SOBP: variants seen among roughly 807,000 people sequenced by gnomAD.
SOBP encodes sine oculis binding protein homolog, also known as sine oculis-binding protein homolog.
SOBP carries 4 observed loss-of-function variants against 53.6 expected under a neutral mutation model. The ratio of observed to expected loss-of-function variants is 0.07; its 90% CI spans 0.04 to 0.17. The LOEUF (loss-of-function observed/expected upper bound fraction) is 0.17. SOBP is among the 10% of genes least tolerant of loss of function. The pLI is 1.00. For missense variants in SOBP, 1,088 were observed against 1,204.7 expected (o/e 0.90, Z 1.43); for synonymous variants, 584 against 522.6 (o/e 1.12, Z -1.60).
intron 4 of SOBP, among the ~76,000 whole-genome samples, chr6:107,560,400 C>G (rs1350016862): frequency 6.6e-6 from 1 of 152,102 alleles, no homozygotes; most frequent in East Asian, 1.9e-4. Flanking sequence ...CCACCTGCTC[C>G]CTTTCCAGGG....
chr6:107,613,465 G>A (rs1398739604), intron 5 of SOBP, among the ~76,000 whole-genome samples: 1 of 152,146 alleles, frequency 6.6e-6, no homozygotes, highest in Non-Finnish European at 1.5e-5. Flanking sequence ...GATGTTTTAT[G>A]TTACTCCATG....
intron 4 of SOBP, among the ~76,000 whole-genome samples, chr6:107,561,236 A>G (rs1784762397): frequency 6.6e-6 from 1 of 152,146 alleles, no homozygotes; most frequent in Non-Finnish European, 1.5e-5. Flanking sequence ...ACTGGAAAAC[A>G]TTACAGAAGG....
rs199736286 is a variant in SOBP at position 107,656,303 on chromosome 6, G to C, written c.*4-1904G>C. The stretch of plus-strand genomic sequence containing the variant: ...GAAAGAAAGAAAAGAAAGAAAGAAA[G>C]AAAGAAAGAAAGAAAGAAAGAAAGA... On this transcript the variant is annotated intron_variant, in intron 6 of 6. Transcript: ENST00000317357. 8.7e-4 allele frequency among the ~76,000 whole-genome samples: 11 copies of C among 12,622 alleles called. 1 individual carries two copies. The East Asian group carries it at 0.067, about 77-fold the overall frequency. 8.3% of individuals were successfully genotyped at this position (12,622 alleles called of 152,430 possible).
At chr6:107,581,026 C>T (rs370033152) in intron 4 of SOBP, among the ~76,000 whole-genome samples, 22 of 152,318 alleles carry the variant, frequency 1.4e-4, no homozygotes, top group African/African-American at 5.3e-4. Context: ...CATTCGCTCA[C>T]TCGGTCATTT....
At chr6:107,615,831 G>A (rs1054798482) in intron 5 of SOBP, among the ~76,000 whole-genome samples, 3 of 151,750 alleles carry the variant, frequency 2.0e-5, no homozygotes, top group Non-Finnish European at 4.4e-5. Flanking sequence ...GACCAGCCTG[G>A]GCAACAGAGT....
chr6:107,572,224 C>T (rs1430357195), intron 4 of SOBP, among the ~76,000 whole-genome samples: 1 of 151,706 alleles, frequency 6.6e-6, no homozygotes, highest in African/African-American at 2.4e-5. Flanking sequence ...GAAGGAGGAC[C>T]TAATAAATCT....
chr6:107,567,923 C>G (rs1236077515), intron 4 of SOBP, among the ~76,000 whole-genome samples: 1 of 152,190 alleles, frequency 6.6e-6, no homozygotes. Flanking sequence ...TCCACCTTTT[C>G]TGGCTCCAGA....
chr6:107,506,395 T>C lies in SOBP; in HGVS notation c.389T>C (p.Leu130Ser). ...DHGSVPIIVP[L>S]IPPPFIKPPA... ...GGCAGTGTGCCCATTATTGTACCTT[T>C]AATTCCACCACCTTTCATAAAGCCA... is the stretch of plus-strand genomic sequence containing the variant. Residue 130 changes from leucine to serine, a missense_variant, in exon 3 of 7, where the codon TTA becomes TCA. Physicochemically the swap from Leu to Ser is moderately radical, Grantham distance 145 (BLOSUM62 -2). This residue lies in a region of SOBP where 112 missense variants were observed against 117.9 expected (regional missense o/e 0.95). Coordinates refer to ENST00000317357, the MANE Select transcript of SOBP (RefSeq NM_018013.4). 6.2e-7 allele frequency: 1 copy of C among 1,614,212 alleles called. No homozygotes were observed. Among genetic ancestry groups the C allele is most frequent in the Non-Finnish European group, 8.5e-7 (1 of 1,180,030 alleles).
At chr6:107,603,435 T>A (rs1378967048) in intron 5 of SOBP, among the ~76,000 whole-genome samples, 3 of 152,182 alleles carry the variant, frequency 2.0e-5, no homozygotes, top group Non-Finnish European at 4.4e-5. Context: ...TGGGCCTCCA[T>A]GGGGTTGAAC....
intron 3 of SOBP, among the ~76,000 whole-genome samples, chr6:107,516,486 A>G (rs866405508): frequency 1.1e-4 from 16 of 152,050 alleles, no homozygotes; most frequent in Non-Finnish European, 1.9e-4. Flanking sequence ...TCAAAAAAAA[A>G]AAAAGAAAAG....
At chr6:107,571,533 A>G (rs1194750847) in intron 4 of SOBP, among the ~76,000 whole-genome samples, 2 of 152,192 alleles carry the variant, frequency 1.3e-5, no homozygotes, top group Non-Finnish European at 2.9e-5. Context: ...AATGGTGGCA[A>G]CAGTCACACT....
At chr6:107,549,760 A>G (rs1784411732) in intron 4 of SOBP, among the ~76,000 whole-genome samples, 1 of 152,218 alleles carries the variant, frequency 6.6e-6, no homozygotes, top group South Asian at 2.1e-4. Context: ...ATATTTGATC[A>G]GGGGCAAGTA....
intron 5 of SOBP, among the ~76,000 whole-genome samples, chr6:107,612,659 C>T (rs190400258): frequency 8.5e-4 from 129 of 152,280 alleles, no homozygotes; most frequent in Non-Finnish European, 1.5e-3. Context: ...CAGTGACATT[C>T]ACAGTGTTTT....
intron 4 of SOBP, among the ~76,000 whole-genome samples, chr6:107,560,620 G>A (rs1220068927): frequency 6.6e-6 from 1 of 152,154 alleles, no homozygotes; most frequent in African/African-American, 2.4e-5. Flanking sequence ...ACTGGGCTAA[G>A]CATTTTATAT....
At chr6:107,645,919 A>G (rs1771536091) in intron 6 of SOBP, among the ~76,000 whole-genome samples, 1 of 152,224 alleles carries the variant, frequency 6.6e-6, no homozygotes, top group South Asian at 2.1e-4. Context: ...TGGCTGGAAC[A>G]AAGGGCTTGA....
intron 6 of SOBP, among the ~76,000 whole-genome samples, chr6:107,653,874 C>T (rs1028498): frequency 0.14 from 20,826 of 152,024 alleles, 2,826 homozygotes; most frequent in African/African-American, 0.32. Context: ...AGTCTTAGGC[C>T]ATAAAGGTCA....
chr6:107,587,048 G>C (rs1170136203), intron 4 of SOBP, 32 bp from the exon 5 acceptor site: 1 of 1,526,494 alleles, frequency 6.6e-7, no homozygotes, highest in African/African-American at 1.4e-5. Context: ...TTATTTGTAA[G>C]TCCCTAAATA....
In SOBP at chr6:107,616,027, CAAAAAAAAGAA is replaced by C. The variant is rs1392781483; in HGVS notation, c.670-17468_670-17458del. ...GACAGGGCGAGACTCTGTCTCTGGG[CAAAAAAAAGAA>C]AAAAAAAAGAAAAAAAAAGGATGCC... On this transcript the variant is annotated intron_variant, in intron 5 of 6. Transcript: ENST00000317357. Among the ~76,000 whole-genome samples the C allele has an allele frequency of 2.3e-3, 256 of 112,496 alleles. 2 individuals are homozygous for C. The highest frequency in any genetic ancestry group is 8.0e-3 in the African/African-American group (222 of 27,664). 73.8% of individuals were successfully genotyped at this position (112,496 alleles called of 152,430 possible). A position where few individuals can be genotyped will look rare whatever the true frequency, so the allele number is the denominator to read the frequency against.
In SOBP at chr6:107,623,585, A is replaced by G. The variant is rs192348177; in HGVS notation, c.670-9929A>G. Among the ~76,000 whole-genome samples the G allele has an allele frequency of 6.7e-3, 1,019 of 152,326 alleles. 4 individuals are homozygous for G. The highest frequency in any genetic ancestry group is 0.024 in the South Asian group (115 of 4,830). ...AAGCAAATTAGATCTTCCAGCTCAC[A>G]AAAGGAAATTGGTAGATGATTTCAT... On this transcript the variant is annotated intron_variant, in intron 5 of 6. Coordinates refer to ENST00000317357, the MANE Select transcript of SOBP (RefSeq NM_018013.4).
Sources: gnomAD v4.1 joint callset for allele counts (sites outside exome capture counted in the v4.1 genomes callset) on GRCh38, gnomAD v4.1.1 for gene constraint, gnomAD v4.1.1 regional missense constraint, MANE v1.5 for transcripts, NCBI Gene and HGNC (gene_info 2026-07-23, HGNC 2026-07-21) for gene names.